FERMT1: variants seen among roughly 807,000 people sequenced by gnomAD.
The protein encoded by FERMT1 is fermitin family homolog 1.
A neutral mutation model predicts 85.3 loss-of-function variants in FERMT1; 60 were observed. That is an observed-to-expected ratio of 0.70 (90% CI 0.57 to 0.87). The LOEUF (loss-of-function observed/expected upper bound fraction) is 0.87, where lower values mean the gene tolerates loss of function less well. FERMT1 is among the 40% of genes least tolerant of loss of function. The pLI is 0.00. For missense variants in FERMT1, 701 were observed against 818.9 expected (o/e 0.86, Z 1.76); for synonymous variants, 275 against 301.1 (o/e 0.91, Z 0.90).
intron 8 of FERMT1, among the ~76,000 whole-genome samples, chr20:6,095,815 G>C (rs753861797): frequency 6.6e-6 from 1 of 152,164 alleles, no homozygotes; most frequent in Non-Finnish European, 1.5e-5. Context: ...AATGAGACCA[G>C]TTTCTTATTT....
At chr20:6,096,782 CTTTTTT>C in intron 8 of FERMT1, 114 bp downstream of exon 8, 7 of 533,664 alleles carry the variant, frequency 1.3e-5, no homozygotes, top group African/African-American at 2.4e-5. Context: ...TGAAGAGCAT[CTTTTTT>C]TTTTTTTTTT....
At chr20:6,103,899 T>C (rs1982729702) in intron 6 of FERMT1, among the ~76,000 whole-genome samples, 2 of 151,850 alleles carry the variant, frequency 1.3e-5, no homozygotes. Context: ...AGACAGAGTT[T>C]TGCTCTCATT....
intron 5 of FERMT1, among the ~76,000 whole-genome samples, chr20:6,109,337 G>T (rs1203355677): frequency 2.0e-5 from 3 of 152,210 alleles, no homozygotes. Context: ...GGACTGAACA[G>T]TTGGTAAAGG....
At chr20:6,098,410 A>C (rs1362196474) in intron 6 of FERMT1, among the ~76,000 whole-genome samples, 1 of 152,146 alleles carries the variant, frequency 6.6e-6, no homozygotes, top group Non-Finnish European at 1.5e-5. Flanking sequence ...CAAGAAATTG[A>C]AAAAGAACAA....
At chr20:6,081,365 G>A (rs1981992120) in intron 13 of FERMT1, among the ~76,000 whole-genome samples, 1 of 152,170 alleles carries the variant, frequency 6.6e-6, no homozygotes, top group Non-Finnish European at 1.5e-5. Flanking sequence ...AAAAGAACTG[G>A]TCAGTGAGGG....
intron 6 of FERMT1, among the ~76,000 whole-genome samples, chr20:6,102,006 A>G (rs1290894337): frequency 1.3e-5 from 2 of 152,118 alleles, no homozygotes; most frequent in African/African-American, 4.8e-5. Context: ...TATATGTAAC[A>G]TAATATTTAC....
At chr20:6,084,983 A>T (rs2123099837) in intron 12 of FERMT1, 83 bp downstream of exon 12, 3 of 1,370,282 alleles carry the variant, frequency 2.2e-6, no homozygotes, top group South Asian at 2.4e-5. Flanking sequence ...GTGAGCCACC[A>T]TGCCCAGCCG....
chr20:6,079,812 A>C (rs1981944025), intron 13 of FERMT1, among the ~76,000 whole-genome samples: 1 of 152,244 alleles, frequency 6.6e-6, no homozygotes, highest in Admixed American at 6.5e-5. Context: ...CAGAGAGAAG[A>C]AAAATAAGAT....
chr20:6,087,626 T>A (rs1982221472), intron 11 of FERMT1, 151 bp downstream of exon 11: 2 of 696,498 alleles, frequency 2.9e-6, no homozygotes, highest in Non-Finnish European at 5.3e-6. Context: ...ATTGTTAGAA[T>A]GTCATTGTGA....
At chr20:6,094,845 A>G in intron 9 of FERMT1, 94 bp downstream of exon 9, 1 of 806,600 alleles carries the variant, frequency 1.2e-6, no homozygotes, top group Non-Finnish European at 2.2e-6. Context: ...TGAACCATGA[A>G]CCTGCCTCAG....
chr20:6,087,810 A>T lies in FERMT1; in HGVS notation c.1338T>A (p.Asp446Glu). Residue 446 changes from aspartate (D) to glutamate (E), a missense_variant, in exon 11 of 15, where the codon GAT becomes GAA. Asp to Glu is a conservative substitution (Grantham distance 45, BLOSUM62 2). Transcript: ENST00000217289. Reference protein sequence around the residue: ...FGIKLLIPVADGMNEMYLRCD... With the variant: ...FGIKLLIPVAEGMNEMYLRCD... Reference sequence around the variant, plus strand: ...ATCTCAAATACATTTCATTCATACCATCGGCAACAGGGATTAGTAACTTGA... The same window carrying T: ...ATCTCAAATACATTTCATTCATACCTTCGGCAACAGGGATTAGTAACTTGA... The T allele has an allele frequency of 6.2e-7, 1 of 1,609,136 alleles. No individual in the cohort carries two copies. Among genetic ancestry groups the T allele is most frequent in the Non-Finnish European group, 8.5e-7 (1 of 1,175,506 alleles).
chr20:6,110,790 A>C (rs1359254676), intron 4 of FERMT1, among the ~76,000 whole-genome samples: 1 of 152,172 alleles, frequency 6.6e-6, no homozygotes, highest in Non-Finnish European at 1.5e-5. Context: ...AACAAAACCC[A>C]AAAAATAATA....
Position 6,094,982 on chromosome 20 carries a change from T to C in FERMT1, c.1096A>G (p.Ile366Val), listed in dbSNP as rs755272944. 6 of 1,535,298 alleles carry C rather than the reference T, an allele frequency of 3.9e-6. No homozygotes were observed. Among genetic ancestry groups the C allele is most frequent in the Non-Finnish European group, 5.4e-6 (6 of 1,108,320 alleles). The change falls in exon 9 of 15, where the codon ATT becomes GTT. Residue 366 changes from isoleucine (I) to valine (V), a missense_variant. Ile to Val is a conservative substitution (Grantham distance 29, BLOSUM62 3). Transcript: ENST00000217289. Reference sequence around the variant, plus strand: ...TCTGCAAGTTTAGGGATATCAGTAATGTCCTCCTAAGAAAAAACAAATAAA... The same window carrying C: ...TCTGCAAGTTTAGGGATATCAGTAACGTCCTCCTAAGAAAAAACAAATAAA... ...GGKADSLLED[I>V]TDIPKLADNL...
chr20:6,081,280 AC>A (rs925063838), intron 13 of FERMT1, among the ~76,000 whole-genome samples: 1 of 146,288 alleles, frequency 6.8e-6, no homozygotes, highest in Non-Finnish European at 1.5e-5. Flanking sequence ...AAAAAAAAAA[AC>A]CAAAAAACTG....
At chr20:6,106,431 A>C (rs1982798137) in intron 6 of FERMT1, among the ~76,000 whole-genome samples, 1 of 151,688 alleles carries the variant, frequency 6.6e-6, no homozygotes, top group African/African-American at 2.4e-5. Flanking sequence ...AAGGGTCTGT[A>C]CAGAAAGGCT....
At chr20:6,110,837 T>C (rs916637566) in intron 4 of FERMT1, among the ~76,000 whole-genome samples, 13 of 152,180 alleles carry the variant, frequency 8.5e-5, no homozygotes, top group African/African-American at 3.1e-4. Flanking sequence ...AATACACAGG[T>C]AATGGTCTTA....
chr20:6,112,753 T>A (rs1301769454), intron 3 of FERMT1, 130 bp from the exon 4 acceptor site: 1 of 623,704 alleles, frequency 1.6e-6, no homozygotes, highest in Non-Finnish European at 2.6e-6. Context: ...CTAAACTGCA[T>A]CCCTTTTGAA....
At chr20:6,120,968 C>T (rs534567612) in intron 1 of FERMT1, among the ~76,000 whole-genome samples, 2 of 152,316 alleles carry the variant, frequency 1.3e-5, no homozygotes, top group South Asian at 4.1e-4. Flanking sequence ...ATCTGTTCTG[C>T]ATGTTCATTC....
chr20:6,112,700 A>T, intron 3 of FERMT1, 77 bp from the exon 4 acceptor site: 3 of 1,023,912 alleles, frequency 2.9e-6, no homozygotes, highest in Non-Finnish European at 4.2e-6. Flanking sequence ...CATTTTGTGC[A>T]TTTAAAATCA....
Sources: allele counts gnomAD v4.1 joint callset (sites outside exome capture counted in the v4.1 genomes callset), GRCh38; gene constraint gnomAD v4.1.1; transcripts MANE v1.5; gene names NCBI Gene and HGNC (gene_info 2026-07-23, HGNC 2026-07-21).